NOL4: variants seen among roughly 807,000 people sequenced by gnomAD.
NOL4 encodes the protein cancer/testis antigen 125.
NOL4 carries 17 observed loss-of-function variants against 75.9 expected under a neutral mutation model. The ratio of observed to expected loss-of-function variants is 0.22; its 90% CI spans 0.15 to 0.34. NOL4 has a LOEUF of 0.34. Among genes scored for constraint, NOL4 ranks in the 10% least tolerant of loss-of-function variants. NOL4 has a pLI of 1.00. For synonymous variants in NOL4, 292 were observed against 289.9 expected (o/e 1.01, Z -0.07); for missense variants, 614 against 793.5 (o/e 0.77, Z 2.72).
intron 10 of NOL4, among the ~76,000 whole-genome samples, chr18:33,865,261 A>T (rs1039144559): frequency 6.6e-6 from 1 of 152,186 alleles, no homozygotes; most frequent in Non-Finnish European, 1.5e-5. Context: ...TAAATGGCAC[A>T]GTATTTAGAT....
At chr18:34,160,291 T>A (rs968185366) in intron 1 of NOL4, among the ~76,000 whole-genome samples, 4 of 152,188 alleles carry the variant, frequency 2.6e-5, no homozygotes, top group African/African-American at 9.6e-5. Context: ...AATGGACCTA[T>A]CCTCCTCTTG....
chr18:33,979,507 A>G (rs2071773455), intron 6 of NOL4, among the ~76,000 whole-genome samples: 1 of 152,036 alleles, frequency 6.6e-6, no homozygotes, highest in Non-Finnish European at 1.5e-5. Context: ...TACTTGGTAA[A>G]GACACATCTT....
At chr18:34,051,970 A>T (rs2076642050) in intron 5 of NOL4, among the ~76,000 whole-genome samples, 1 of 152,092 alleles carries the variant, frequency 6.6e-6, no homozygotes, top group African/African-American at 2.4e-5. Flanking sequence ...AGAAAGCACC[A>T]TGCAACTAGG....
At chr18:34,160,759 T>G (rs1435148143) in intron 1 of NOL4, among the ~76,000 whole-genome samples, 1 of 152,224 alleles carries the variant, frequency 6.6e-6, no homozygotes, top group Admixed American at 6.5e-5. Flanking sequence ...CAATGTGTAA[T>G]GATCAAATTG....
intron 9 of NOL4, among the ~76,000 whole-genome samples, chr18:33,892,938 T>C (rs757445090): frequency 1.1e-4 from 16 of 152,036 alleles, no homozygotes; most frequent in Non-Finnish European, 1.9e-4. Flanking sequence ...GCTGGAATTA[T>C]AGGAATGAGC....
chr18:34,145,337 C>A (rs932472582), intron 1 of NOL4, among the ~76,000 whole-genome samples: 3 of 151,840 alleles, frequency 2.0e-5, no homozygotes, highest in Admixed American at 6.6e-5. Context: ...TGGGCAAAAT[C>A]ATCATTATAA....
At chr18:34,078,380 T>C (rs1021950610) in intron 5 of NOL4, among the ~76,000 whole-genome samples, 5 of 152,156 alleles carry the variant, frequency 3.3e-5, no homozygotes, top group African/African-American at 9.7e-5. Context: ...GTAAAGACAA[T>C]TGTCAAAATG....
chr18:34,185,823 AGAGAT>A (rs1164285546), intron 1 of NOL4, among the ~76,000 whole-genome samples: 4 of 152,196 alleles, frequency 2.6e-5, no homozygotes, highest in Admixed American at 6.5e-5. Flanking sequence ...ACTTCACCAA[AGAGAT>A]AAGAATAATT....
chr18:34,094,129 T>C (rs150946764), intron 4 of NOL4, among the ~76,000 whole-genome samples: 108 of 152,320 alleles, frequency 7.1e-4, no homozygotes, highest in African/African-American at 2.3e-3. Flanking sequence ...ATATAAAGAA[T>C]GATTTTATAG....
intron 1 of NOL4, among the ~76,000 whole-genome samples, chr18:34,158,315 T>C (rs902980217): frequency 2.6e-5 from 4 of 152,204 alleles, no homozygotes; most frequent in Non-Finnish European, 4.4e-5. Context: ...GAGTCTTTTT[T>C]ACTAAGTGCA....
intron 9 of NOL4, among the ~76,000 whole-genome samples, chr18:33,930,403 G>C (rs1334189016): frequency 6.6e-6 from 1 of 152,032 alleles, no homozygotes; most frequent in Non-Finnish European, 1.5e-5. Context: ...TCTCTGTATT[G>C]ATTTTCTAAT....
At chr18:34,137,119 C>G (rs1242832675) in intron 1 of NOL4, among the ~76,000 whole-genome samples, 3 of 152,028 alleles carry the variant, frequency 2.0e-5, no homozygotes, top group Non-Finnish European at 4.4e-5. Context: ...ATAGTCAGGT[C>G]CCTACCTCAA....
At chr18:34,212,752 T>C (rs931391942) in intron 1 of NOL4, among the ~76,000 whole-genome samples, 1 of 152,170 alleles carries the variant, frequency 6.6e-6, no homozygotes, top group Non-Finnish European at 1.5e-5. Context: ...ATTGTGCTCG[T>C]TGTCAGCCAA....
At chr18:33,942,861 G>A (rs2068588690) in intron 9 of NOL4, among the ~76,000 whole-genome samples, 2 of 151,732 alleles carry the variant, frequency 1.3e-5, no homozygotes, top group African/African-American at 2.4e-5. Context: ...GTTCATTTTC[G>A]CCACAGAAAC....
chr18:33,945,700 T>C (rs1183595166), intron 8 of NOL4, among the ~76,000 whole-genome samples: 2 of 151,700 alleles, frequency 1.3e-5, no homozygotes, highest in Non-Finnish European at 3.0e-5. Context: ...ATGCACACTA[T>C]CCTATTGAGT....
intron 5 of NOL4, among the ~76,000 whole-genome samples, chr18:34,035,656 A>G (rs1313634323): frequency 2.6e-5 from 4 of 152,068 alleles, no homozygotes; most frequent in South Asian, 2.1e-4. Flanking sequence ...ACTAAATGAA[A>G]TAGAGACTAA....
chr18:34,067,215 C>A (rs1416507938), intron 5 of NOL4, among the ~76,000 whole-genome samples: 1 of 152,064 alleles, frequency 6.6e-6, no homozygotes. Context: ...TTGAAAAAGG[C>A]AATGGGGCAA....
chr18:33,916,522 A>T (rs562513624), intron 9 of NOL4, among the ~76,000 whole-genome samples: 45 of 152,298 alleles, frequency 3.0e-4, no homozygotes, highest in African/African-American at 1.1e-3. Context: ...TTACCCACTC[A>T]GTGAACCACA....
chr18:34,221,030 T>C (rs968440043), intron 1 of NOL4: 1 of 152,146 alleles, frequency 6.6e-6, no homozygotes, highest in African/African-American at 2.4e-5. Context: ...ATCTCTAAAA[T>C]TGTTCAGAAT....
Sources: allele counts gnomAD v4.1 joint callset (sites outside exome capture counted in the v4.1 genomes callset), GRCh38; gene constraint gnomAD v4.1.1; transcripts MANE v1.5; gene names NCBI Gene and HGNC (gene_info 2026-07-23, HGNC 2026-07-21).